SCGB1D1: variants seen among roughly 807,000 people sequenced by gnomAD.
SCGB1D1 encodes the protein lipophilin A (uteroglobin family member).
A neutral mutation model predicts 8.3 loss-of-function variants in SCGB1D1; 10 were observed. The observed-to-expected ratio is 1.21, with a 90% CI of 0.74 to 2.05. The LOEUF (loss-of-function observed/expected upper bound fraction) is 2.05, where lower values mean the gene tolerates loss of function less well. Ranked by LOEUF, SCGB1D1 falls within the 30% of genes most tolerant of loss-of-function variation. The pLI is 0.00. For missense variants in SCGB1D1, 94 were observed against 105.1 expected (o/e 0.89, Z 0.46); for synonymous variants, 46 against 41.7 (o/e 1.10, Z -0.39).
At chr11:62,191,558 A>C (rs532417511) in intron 1 of SCGB1D1, among the ~76,000 whole-genome samples, 31 of 152,310 alleles carry the variant, frequency 2.0e-4, no homozygotes, top group African/African-American at 7.5e-4. Context: ...TAAATTCTAC[A>C]ACTTGTTCTC....
chr11:62,190,356 T>A lies in SCGB1D1; in HGVS notation c.55+17T>A, dbSNP rs778823500. On this transcript the variant is annotated intron_variant, in intron 1 of 2. Coordinates refer to ENST00000306238, the MANE Select transcript of SCGB1D1 (RefSeq NM_006552.2). ...GCTACCGGGGTGAGTACATCAGTCA[T>A]GAGTCCAGCACCAGCCCTTGGGACA... is the stretch of plus-strand genomic sequence containing the variant. 3 of 1,614,140 alleles carry A rather than the reference T, an allele frequency of 1.9e-6. No homozygotes were observed. In the East Asian group the frequency reaches 6.7e-5, roughly 36 times the overall value.
At chr11:62,193,181 A>T (rs1302435884) in intron 2 of SCGB1D1, among the ~76,000 whole-genome samples, 2 of 152,084 alleles carry the variant, frequency 1.3e-5, no homozygotes, top group East Asian at 3.9e-4. Flanking sequence ...CTCTATGAGG[A>T]CCCTGGGCCT....
rs1262579808 is a variant in SCGB1D1 at position 62,190,227 on chromosome 11, G to A, written c.-58G>A. 1.2e-6 allele frequency: 2 copies of A among 1,609,926 alleles called. No individual in the cohort carries two copies. Among genetic ancestry groups the A allele is most frequent in the Admixed American group, 1.7e-5 (1 of 59,946 alleles). Reference sequence around the variant, plus strand: ...CTCCACGGCTCCACAGGCTCCCGGGGCTGAGTCTAAATCACTCATCATTGG... The same window carrying A: ...CTCCACGGCTCCACAGGCTCCCGGGACTGAGTCTAAATCACTCATCATTGG... On this transcript the variant is annotated 5_prime_UTR_variant, in exon 1 of 3. Transcript: ENST00000306238.
At chr11:62,193,102 G>A (rs745929726) in intron 2 of SCGB1D1, among the ~76,000 whole-genome samples, 25 of 152,262 alleles carry the variant, frequency 1.6e-4, no homozygotes, top group African/African-American at 5.8e-4. Flanking sequence ...CTTTCATTGC[G>A]GGGAACAGGA....
chr11:62,192,323 G>T, intron 2 of SCGB1D1, 80 bp downstream of exon 2: 1 of 1,296,494 alleles, frequency 7.7e-7, no homozygotes, highest in South Asian at 1.4e-5. Context: ...TTGCTGCTCT[G>T]TGAGGGACAC....
chr11:62,192,279 G>A, intron 2 of SCGB1D1, 36 bp downstream of exon 2: 1 of 1,567,630 alleles, frequency 6.4e-7, no homozygotes, highest in East Asian at 2.3e-5. Flanking sequence ...CAGGCTTCTG[G>A]TCAGCGGCAC....
At position 62,192,240 on chromosome 11, in the gene SCGB1D1, A is replaced by T. The variant is rs1378463924; in HGVS notation, c.240A>T (p.Thr80=). The T allele has an allele frequency of 2.5e-6, 4 of 1,601,416 alleles. No homozygotes were observed. The East Asian group carries it at 6.7e-5, about 27-fold the overall frequency. ...AGAAAAGAGTGCTAATTACAAAAAC[A>T]TTGGTAATTTCTGTCTCTTTCATGT... ...AYEKRVLITK[T]LGKIAEKCDR The change falls in exon 2 of 3, where the codon ACA becomes ACT. Residue 80 remains threonine (T), a synonymous_variant. Coordinates refer to ENST00000306238, the MANE Select transcript of SCGB1D1 (RefSeq NM_006552.2).
rs2232942 is a variant in SCGB1D1 at position 62,193,507 on chromosome 11, A to C, written c.*79A>C. On this transcript the variant is annotated 3_prime_UTR_variant, in exon 3 of 3. Transcript: ENST00000306238. ...CTTCACTGCAGAATGTAAAGGTTTC[A>C]ACGTCTTGCTCTAATAAATCACTTG... The C allele has an allele frequency of 0.037, 46,355 of 1,250,052 alleles. 1,092 individuals are homozygous for C. Among genetic ancestry groups the C allele is most frequent in the Non-Finnish European group, 0.044 (37,780 of 863,426 alleles). The allele number at this position is 1,250,052 out of a possible 1,614,324, so 77.4% of individuals were successfully genotyped here.
In SCGB1D1 at chr11:62,190,248, A is replaced by G. The variant is rs775314540; in HGVS notation, c.-37A>G. ...CGGGGCTGAGTCTAAATCACTCATCATTGGTTAAAGCCGAGCTCACAGCAG... is the reference window on the plus strand; with the variant it reads ...CGGGGCTGAGTCTAAATCACTCATCGTTGGTTAAAGCCGAGCTCACAGCAG... On this transcript the variant is annotated 5_prime_UTR_variant, in exon 1 of 3. Coordinates refer to ENST00000306238, the MANE Select transcript of SCGB1D1 (RefSeq NM_006552.2). 7 of 1,613,696 alleles carry G rather than the reference A, an allele frequency of 4.3e-6. No individual in the cohort carries two copies. The highest frequency in any genetic ancestry group is 1.7e-4 in the Middle Eastern group (1 of 6,028).
rs1042630782 is a variant in SCGB1D1 at position 62,193,501 on chromosome 11, G to T, written c.*73G>T. The T allele has an allele frequency of 1.5e-6, 2 of 1,298,258 alleles. No homozygotes were observed. Among genetic ancestry groups the T allele is most frequent in the African/African-American group, 2.9e-5 (2 of 67,942 alleles). The allele number at this position is 1,298,258 out of a possible 1,614,324, so 80.4% of individuals were successfully genotyped here. A position where few individuals can be genotyped will look rare whatever the true frequency, so the allele number is the denominator to read the frequency against. ...CCTGATCTTCACTGCAGAATGTAAA[G>T]GTTTCAACGTCTTGCTCTAATAAAT... is the stretch of plus-strand genomic sequence containing the variant. On this transcript the variant is annotated 3_prime_UTR_variant, in exon 3 of 3. Coordinates refer to ENST00000306238, the MANE Select transcript of SCGB1D1 (RefSeq NM_006552.2).
chr11:62,193,528 A>C lies in SCGB1D1; in HGVS notation c.*100A>C. 1 of 1,068,972 alleles carries C rather than the reference A, an allele frequency of 9.4e-7. No individual in the cohort carries two copies. Among genetic ancestry groups the C allele is most frequent in the African/African-American group, 1.6e-5 (1 of 63,110 alleles). The allele number at this position is 1,068,972 out of a possible 1,614,324, so 66.2% of individuals were successfully genotyped here. A position where few individuals can be genotyped will look rare whatever the true frequency, so the allele number is the denominator to read the frequency against. The stretch of plus-strand genomic sequence containing the variant: ...TTTCAACGTCTTGCTCTAATAAATC[A>C]CTTGCCCTGAACTTCTCCACTGGTC... On this transcript the variant is annotated 3_prime_UTR_variant, in exon 3 of 3. Transcript: ENST00000306238.
intron 1 of SCGB1D1, among the ~76,000 whole-genome samples, chr11:62,190,747 G>C (rs984461879): frequency 1.3e-5 from 2 of 152,168 alleles, no homozygotes; most frequent in Non-Finnish European, 2.9e-5. Flanking sequence ...AATGGAGTGG[G>C]ATTATTGTGC....
In SCGB1D1 at chr11:62,193,424, G is replaced by A. The variant is rs766448972; in HGVS notation, c.269G>A (p.Arg90His). ...TLGKIAEKCD[R>H] ...GGAAAAATAGCAGAGAAATGTGATC[G>A]CTGAGATGTAAAAAGTTTTTAATGC... Residue 90 changes from arginine (R) to histidine (H), a missense_variant, in exon 3 of 3, where the codon CGC (arginine) becomes CAC (histidine). Physicochemically the swap from Arg to His is conservative, Grantham distance 29. Transcript: ENST00000306238. The A allele has an allele frequency of 5.0e-6, 8 of 1,611,986 alleles. No homozygotes were observed. The East Asian group carries it at 6.7e-5, about 14-fold the overall frequency.
At chr11:62,192,304 TC>T (rs1162928802) in intron 2 of SCGB1D1, 61 bp downstream of exon 2, 2 of 1,446,352 alleles carry the variant, frequency 1.4e-6, no homozygotes, top group Non-Finnish European at 1.9e-6. Context: ...TGAAGTGAGG[TC>T]AGCTTGCTTG....
rs141660479 is a variant in SCGB1D1, at chr11:62,192,323, G to A, written c.243+80G>A. On this transcript the variant is annotated intron_variant, in intron 2 of 2. Coordinates refer to ENST00000306238, the MANE Select transcript of SCGB1D1 (RefSeq NM_006552.2). ...GTGAGGTCAGCTTGCTTGCTGCTCT[G>A]TGAGGGACACAGGTGGTGGGGCACC... 69 of 1,296,492 alleles carry A rather than the reference G, an allele frequency of 5.3e-5. No individual in the cohort carries two copies. The East Asian group carries it at 1.2e-3, about 23-fold the overall frequency. 80.3% of individuals were successfully genotyped at this position (1,296,492 alleles called of 1,614,324 possible).
chr11:62,191,222 G>A (rs1428057761), intron 1 of SCGB1D1, among the ~76,000 whole-genome samples: 1 of 152,092 alleles, frequency 6.6e-6, no homozygotes, highest in South Asian at 2.1e-4. Context: ...TCTCCCCACA[G>A]TTTGAAGTCG....
At position 62,193,487 on chromosome 11, in the gene SCGB1D1, C is replaced by T. The variant is rs1944696095; in HGVS notation, c.*59C>T. ...TCTTTCAATGATACCCTGATCTTCACTGCAGAATGTAAAGGTTTCAACGTC... is the reference window on the plus strand; with the variant it reads ...TCTTTCAATGATACCCTGATCTTCATTGCAGAATGTAAAGGTTTCAACGTC... On this transcript the variant is annotated 3_prime_UTR_variant, in exon 3 of 3. Coordinates refer to ENST00000306238, the MANE Select transcript of SCGB1D1 (RefSeq NM_006552.2). 7.1e-7 allele frequency: 1 copy of T among 1,412,226 alleles called. No individual in the cohort carries two copies. Among genetic ancestry groups the T allele is most frequent in the Non-Finnish European group, 1.0e-6 (1 of 1,001,432 alleles). The allele number at this position is 1,412,226 out of a possible 1,614,324, so 87.5% of individuals were successfully genotyped here.
chr11:62,190,895 C>A (rs1431072997), intron 1 of SCGB1D1, among the ~76,000 whole-genome samples: 1 of 152,126 alleles, frequency 6.6e-6, no homozygotes, highest in East Asian at 1.9e-4. Flanking sequence ...TCGAAGGATC[C>A]TTGGAGAACT....
intron 2 of SCGB1D1, 27 bp from the exon 3 acceptor site, chr11:62,193,372 C>T (rs762586249): frequency 6.2e-7 from 1 of 1,611,090 alleles, no homozygotes; most frequent in Non-Finnish European, 8.5e-7. Flanking sequence ...CCGACCTCAC[C>T]TTCCTTTCTT....
Sources: allele counts gnomAD v4.1 joint callset (sites outside exome capture counted in the v4.1 genomes callset), GRCh38; gene constraint gnomAD v4.1.1; transcripts MANE v1.5; gene names NCBI Gene and HGNC (gene_info 2026-07-23, HGNC 2026-07-21).